NOP14: variants seen among roughly 807,000 people sequenced by gnomAD.
NOP14 encodes the protein nucleolar protein 14.
In NOP14, 57 loss-of-function variants were observed where a neutral mutation model predicts 101.6. The ratio of observed to expected loss-of-function variants is 0.56; its 90% CI spans 0.45 to 0.70. The LOEUF (loss-of-function observed/expected upper bound fraction) is 0.70. Among genes scored for constraint, NOP14 ranks in the 30% least tolerant of loss-of-function variants. The pLI, the probability that NOP14 is intolerant of heterozygous loss-of-function variation, is 0.00. For missense variants in NOP14, 1,134 were observed against 1,075.5 expected, an observed-to-expected ratio of 1.05 and a Z score of -0.76; for synonymous variants, 428 against 424.0, an observed-to-expected ratio of 1.01 and a Z score of -0.12.
rs557810279 is a variant in NOP14, at chr4:2,961,933, G to A, written c.195+1192C>T. Among the ~76,000 whole-genome samples the A allele has an allele frequency of 2.0e-5, 3 of 152,314 alleles. No individual in the cohort carries two copies. The East Asian group carries it at 5.8e-4, about 29-fold the overall frequency. ...GATCTGCTCAATACCAGAAGTTTGA[G>A]CAACCTGTCCTATTTGGGTTACATA... On this transcript the variant is annotated intron_variant, in intron 1 of 17. Transcript: ENST00000416614.
At chr4:2,943,723 C>T (rs1257985591) in intron 13 of NOP14, among the ~76,000 whole-genome samples, 1 of 152,262 alleles carries the variant, frequency 6.6e-6, no homozygotes, top group African/African-American at 2.4e-5. Context: ...TTATCTAACC[C>T]CAAATACCAA....
chr4:2,945,802 C>G lies in NOP14; in HGVS notation c.1636-573G>C, dbSNP rs148180882. Among the ~76,000 whole-genome samples the G allele has an allele frequency of 5.5e-4, 84 of 152,330 alleles. 1 individual carries two copies. The highest frequency in any genetic ancestry group is 1.9e-3 in the African/African-American group (80 of 41,578). On this transcript the variant is annotated intron_variant, in intron 11 of 17. Transcript: ENST00000416614. ...GCCTTCCAATGTTTTTGTCACTGGA[C>G]CAAATACAGCACCATTCACGTGGAA...
At position 2,957,648 on chromosome 4, in the gene NOP14, G is replaced by A. The variant is rs760531204; in HGVS notation, c.288C>T (p.Ser96=). The change falls in exon 2 of 18, where the codon AGC becomes AGT. Residue 96 remains serine, a synonymous_variant. Transcript: ENST00000416614. ...KRFGEYNSNM[S]PEEKMMKRFA... is the part of the protein sequence containing the mutation. ...ACCTCTTCATCATCTTCTCCTCGGG[G>A]CTCATGTTGCTGTTGTATTCTCCGA... 5.6e-6 allele frequency: 9 copies of A among 1,613,948 alleles called. No individual in the cohort carries two copies. The highest frequency in any genetic ancestry group is 3.3e-5 in the Admixed American group (2 of 59,990).
chr4:2,957,794 A>C, intron 1 of NOP14, 54 bp from the exon 2 acceptor site: 6 of 1,590,470 alleles, frequency 3.8e-6, no homozygotes, highest in Non-Finnish European at 4.3e-6. Flanking sequence ...TTTCCACTAC[A>C]GGGGACATCA....
intron 8 of NOP14, 56 bp downstream of exon 8, chr4:2,949,878 A>G (rs1714896988): frequency 1.3e-6 from 2 of 1,599,634 alleles, no homozygotes; most frequent in Non-Finnish European, 1.7e-6. Flanking sequence ...ACACACAGCT[A>G]TGGCCAGGTC....
Position 2,948,318 on chromosome 4 carries a change from T to G in NOP14, c.1373A>C (p.Asn458Thr). The G allele has an allele frequency of 6.2e-7, 1 of 1,609,756 alleles. No homozygotes were observed. ...LLVVERIQKC[N>T]HPSLAEGNKA... is the part of the protein sequence containing the mutation. Reference sequence around the variant, plus strand: ...GTTTCCTTCTGCGAGACTCGGGTGGTTGCACTTCTGAATTCTCTCCACCAC... The same window carrying G: ...GTTTCCTTCTGCGAGACTCGGGTGGGTGCACTTCTGAATTCTCTCCACCAC... The change falls in exon 9 of 18, where the codon AAC becomes ACC. Residue 458 changes from asparagine to threonine, a missense_variant. Physicochemically the swap from Asn to Thr is moderately conservative, Grantham distance 65. Transcript: ENST00000416614.
At chr4:2,959,320 C>G (rs191721496) in intron 1 of NOP14, among the ~76,000 whole-genome samples, 2,507 of 152,266 alleles carry the variant, frequency 0.016, 66 homozygotes, top group African/African-American at 0.056. Flanking sequence ...GGGCCGGGCG[C>G]GGTGGCTCAC....
chr4:2,946,331 C>T, intron 11 of NOP14, 81 bp downstream of exon 11: 1 of 1,513,380 alleles, frequency 6.6e-7, no homozygotes, highest in East Asian at 2.3e-5. Context: ...CAGCCAAGAG[C>T]ATCGTACCCG....
In NOP14 at chr4:2,939,238, G is replaced by A. The variant is rs1296269273; in HGVS notation, c.2424C>T (p.Arg808=). The A allele has an allele frequency of 6.2e-7, 1 of 1,614,018 alleles. No homozygotes were observed. The highest frequency in any genetic ancestry group is 2.2e-5 in the East Asian group (1 of 44,896). ...REFKGAVREI[R]KDNQFLARMQ... ...TCCTCGCCAGGAACTGATTGTCCTT[G>A]CGGATTTCTCGAACGGCCCCTTTAA... The change falls in exon 17 of 18, where the codon CGC becomes CGT. Residue 808 remains arginine, a synonymous_variant. Transcript: ENST00000416614.
intron 12 of NOP14, among the ~76,000 whole-genome samples, chr4:2,944,565 C>T (rs1714468230): frequency 6.6e-6 from 1 of 152,154 alleles, no homozygotes; most frequent in Admixed American, 6.5e-5. Flanking sequence ...TGGCACCACA[C>T]CCAGCTAATT....
chr4:2,951,316 G>A lies in NOP14; in HGVS notation c.871-71C>T. ...TATGGTGAGGGGGCCGTGCAGTCCT[G>A]CCCTGGGCAGCGGGCTGGGCCTACG... is the stretch of plus-strand genomic sequence containing the variant. On this transcript the variant is annotated intron_variant, in intron 6 of 17. Transcript: ENST00000416614. The A allele has an allele frequency of 5.5e-6, 8 of 1,452,224 alleles. No individual in the cohort carries two copies. In the South Asian group the frequency reaches 9.9e-5, roughly 18 times the overall value. The allele number at this position is 1,452,224 out of a possible 1,614,324, so 90.0% of individuals were successfully genotyped here.
rs756376056 is a variant in NOP14, at chr4:2,963,258, C to CGTT, written c.61_62insAAC (p.Ala20_Arg21insGln). 1 of 1,591,082 alleles carries CGTT rather than the reference C, an allele frequency of 6.3e-7. No homozygotes were observed. The highest frequency in any genetic ancestry group is 1.1e-5 in the South Asian group (1 of 89,262). On this transcript the variant is annotated inframe_insertion, in exon 1 of 18. Transcript: ENST00000416614. ...GGAGTTGGCCTTCGCCGGGCCCCCT[C>CGTT]GCGCTCCCGCCGGCGCCCCGGAGGC...
At chr4:2,956,937 A>C in intron 2 of NOP14, 126 bp from the exon 3 acceptor site, 1 of 837,930 alleles carries the variant, frequency 1.2e-6, no homozygotes, top group African/African-American at 1.7e-5. Flanking sequence ...AAGCAGCCTT[A>C]AAGAGTATTT....
chr4:2,942,887 C>T (rs552221018), intron 13 of NOP14, among the ~76,000 whole-genome samples: 5 of 152,176 alleles, frequency 3.3e-5, no homozygotes, highest in South Asian at 4.1e-4. Flanking sequence ...CAATCCAGGC[C>T]GAGGGTGTGG....
In NOP14 at chr4:2,939,788, T is replaced by C. The variant is rs1200624138; in HGVS notation, c.2200-143A>G. ...CAGGATGGTGCCCTTGCTGTGCGCCTACCGGTGGGCGGGGGGGTAAGCCAA... is the reference window on the plus strand; with the variant it reads ...CAGGATGGTGCCCTTGCTGTGCGCCCACCGGTGGGCGGGGGGGTAAGCCAA... On this transcript the variant is annotated intron_variant, in intron 15 of 17. Transcript: ENST00000416614. The C allele has an allele frequency of 5.5e-6, 4 of 722,080 alleles. No individual in the cohort carries two copies. The African/African-American group carries it at 6.9e-5, about 12-fold the overall frequency. 44.7% of individuals were successfully genotyped at this position (722,080 alleles called of 1,614,324 possible).
chr4:2,941,887 A>C (rs780111189), intron 14 of NOP14, 158 bp from the exon 15 acceptor site: 2 of 825,450 alleles, frequency 2.4e-6, no homozygotes, highest in Non-Finnish European at 3.7e-6. Flanking sequence ...ACCACGGGCA[A>C]GGCAGGCTCA....
Position 2,951,206 on chromosome 4 carries a change from C to T in NOP14, c.910G>A (p.Glu304Lys). The T allele has an allele frequency of 6.2e-7, 1 of 1,613,892 alleles. No homozygotes were observed. The highest frequency in any genetic ancestry group is 8.5e-7 in the Non-Finnish European group (1 of 1,179,802). ...LRRMLGKDED[E>K]NVKKPKHMSA... The stretch of plus-strand genomic sequence containing the variant: ...ATATGTTTTGGTTTCTTAACATTTT[C>T]ATCCTCATCCTTTCCAAGCATTCTT... The change falls in exon 7 of 18, where the codon GAA (glutamate) becomes AAA (lysine). Residue 304 changes from glutamate to lysine, a missense_variant. Coordinates refer to ENST00000416614, the MANE Select transcript of NOP14 (RefSeq NM_001291978.2).
Position 2,938,727 on chromosome 4 carries a change from C to T in NOP14, c.*104G>A, listed in dbSNP as rs190413157. On this transcript the variant is annotated 3_prime_UTR_variant, in exon 18 of 18. Transcript: ENST00000416614. Reference sequence around the variant, plus strand: ...CTTCCTGTGTTGCCCAGGCTGGTCTCGAACTCCTGGGCTGAAGCAATCTTC... The same window carrying T: ...CTTCCTGTGTTGCCCAGGCTGGTCTTGAACTCCTGGGCTGAAGCAATCTTC... The T allele has an allele frequency of 1.1e-4, 102 of 911,266 alleles. No homozygotes were observed. In the East Asian group the frequency reaches 1.7e-3, roughly 15 times the overall value. The allele number at this position is 911,266 out of a possible 1,614,324, so 56.4% of individuals were successfully genotyped here.
intron 3 of NOP14, 43 bp downstream of exon 3, chr4:2,956,625 CCT>C: frequency 6.4e-7 from 1 of 1,570,080 alleles, no homozygotes; most frequent in Non-Finnish European, 8.6e-7. Context: ...ACAGACTCTC[CCT>C]GACTCCACGC....
Sources: gnomAD v4.1 joint callset for allele counts (sites outside exome capture counted in the v4.1 genomes callset) on GRCh38, gnomAD v4.1.1 for gene constraint, MANE v1.5 for transcripts, NCBI Gene and HGNC (gene_info 2026-07-23, HGNC 2026-07-21) for gene names.